The following DENND4A variants were observed in gnomAD, a reference collection of about 807,000 sequenced individuals.
DENND4A encodes the protein DENN domain containing 4A.
A neutral mutation model predicts 199.3 loss-of-function variants in DENND4A; 70 were observed. The observed-to-expected ratio is 0.35, with a 90% confidence interval of 0.29 to 0.43. DENND4A has a LOEUF of 0.43. DENND4A is among the 20% of genes least tolerant of loss of function. The probability of loss-of-function intolerance (pLI) is 1.00; values close to 1 mark genes in which losing one functional copy is unlikely to be tolerated. For synonymous variants in DENND4A, 686 were observed against 766.9 expected (o/e 0.89, Z 1.74); for missense variants, 1,723 against 2,255.8 (o/e 0.76, Z 4.78).
At chr15:65,707,154 G>A (rs1009813349) in intron 14 of DENND4A, among the ~76,000 whole-genome samples, 7 of 151,940 alleles carry the variant, frequency 4.6e-5, no homozygotes, top group Admixed American at 1.3e-4. Flanking sequence ...AAAGCACTTT[G>A]GTAGTACTAT....
At chr15:65,745,154 T>A (rs1379435128) in intron 4 of DENND4A, among the ~76,000 whole-genome samples, 1 of 152,194 alleles carries the variant, frequency 6.6e-6, no homozygotes, top group African/African-American at 2.4e-5. Flanking sequence ...GAAATGACAA[T>A]CTCCTGAGTA....
chr15:65,765,979 G>A (rs771184718), intron 1 of DENND4A, among the ~76,000 whole-genome samples: 3 of 152,264 alleles, frequency 2.0e-5, no homozygotes, highest in East Asian at 1.9e-4. Flanking sequence ...AGCCGGGCGC[G>A]GTGGCTCACG....
At chr15:65,747,659 A>AT (rs1330581185) in intron 4 of DENND4A, among the ~76,000 whole-genome samples, 1 of 152,202 alleles carries the variant, frequency 6.6e-6, no homozygotes, top group Admixed American at 6.5e-5. Context: ...CCAGCCACAT[A>AT]TCAATACACC....
chr15:65,741,199 C>G (rs1276406125), intron 5 of DENND4A, among the ~76,000 whole-genome samples: 2 of 152,128 alleles, frequency 1.3e-5, no homozygotes, highest in African/African-American at 4.8e-5. Context: ...ACCACAGGCA[C>G]ATGCCACCAT....
At chr15:65,701,319 C>G in intron 18 of DENND4A, 127 bp from the exon 19 acceptor site, 2 of 786,002 alleles carry the variant, frequency 2.5e-6, no homozygotes, top group Non-Finnish European at 1.8e-6. Context: ...GTAATCCCAG[C>G]AATTTGGGAG....
intron 1 of DENND4A, among the ~76,000 whole-genome samples, chr15:65,780,847 A>G (rs991038945): frequency 3.2e-4 from 49 of 152,342 alleles, no homozygotes; most frequent in Non-Finnish European, 3.7e-4. Flanking sequence ...TCACGTTTCA[A>G]TCCCAGACAG....
rs1213255842 is a variant in DENND4A, at chr15:65,664,332, A to G, written c.5585T>C (p.Ile1862Thr). 1.3e-6 allele frequency: 2 copies of G among 1,557,344 alleles called. No individual in the cohort carries two copies. Among genetic ancestry groups the G allele is most frequent in the African/African-American group, 1.4e-5 (1 of 73,390 alleles). The change falls in exon 32 of 33, where the codon ATA (isoleucine) becomes ACA (threonine). Residue 1862 changes from isoleucine to threonine, a missense_variant and splice_region_variant. Physicochemically the swap from Ile to Thr is moderately conservative, Grantham distance 89. This residue lies in a region of DENND4A where 164 missense variants were observed against 280.1 expected (regional missense o/e 0.59). Transcript: ENST00000443035. ...TATTAGATATAAAGCTAAATTACCT[A>G]TATCAATGTTTTCTCTTCCCAGTGC... The part of the protein sequence containing the change: ...LVALGRENID[I>T]DAFDKEYKMA...
intron 11 of DENND4A, 125 bp from the exon 12 acceptor site, chr15:65,723,073 A>G (rs1378177163): frequency 1.4e-6 from 1 of 737,618 alleles, no homozygotes; most frequent in African/African-American, 1.8e-5. Flanking sequence ...AAAACAAAAT[A>G]TTTGCATTAA....
At chr15:65,709,719 A>AAAATATATAT (rs1218030026) in intron 14 of DENND4A, among the ~76,000 whole-genome samples, 3 of 51,468 alleles carry the variant, frequency 5.8e-5, no homozygotes, top group Non-Finnish European at 9.4e-5. Flanking sequence ...AAAAAAAAAA[A>AAAATATATAT]ATATATATAT....
intron 7 of DENND4A, among the ~76,000 whole-genome samples, chr15:65,734,704 T>C (rs564349190): frequency 5.1e-4 from 77 of 152,128 alleles, no homozygotes; most frequent in Non-Finnish European, 9.6e-4. Context: ...ATGAAGTAGT[T>C]AGAACAGAAG....
chr15:65,752,360 G>C lies in DENND4A; in HGVS notation c.561+19C>G. On this transcript the variant is annotated intron_variant, in intron 4 of 32. Transcript: ENST00000443035. The stretch of plus-strand genomic sequence containing the variant: ...TTTTCATCAGTGGTTAATGTTACCA[G>C]TGCAAGTAAGTCACTTACCATACTG... 1 of 1,402,192 alleles carries C rather than the reference G, an allele frequency of 7.1e-7. No homozygotes were observed. Among genetic ancestry groups the C allele is most frequent in the South Asian group, 1.3e-5 (1 of 79,518 alleles). The allele number at this position is 1,402,192 out of a possible 1,614,324, so 86.9% of individuals were successfully genotyped here.
intron 6 of DENND4A, 115 bp from the exon 7 acceptor site, chr15:65,738,060 A>C (rs2076162097): frequency 5.0e-6 from 5 of 1,002,522 alleles, no homozygotes; most frequent in Non-Finnish European, 7.1e-6. Context: ...GCCAGGTATT[A>C]AGAACACAGT....
intron 2 of DENND4A, among the ~76,000 whole-genome samples, chr15:65,758,850 A>G (rs1456890155): frequency 6.6e-6 from 1 of 152,198 alleles, no homozygotes; most frequent in Non-Finnish European, 1.5e-5. Flanking sequence ...GTCTTTTGAT[A>G]AAGGCAGCCG....
At chr15:65,716,005 G>C (rs2075387134) in intron 13 of DENND4A, among the ~76,000 whole-genome samples, 4 of 151,886 alleles carry the variant, frequency 2.6e-5, no homozygotes, top group Admixed American at 1.3e-4. Flanking sequence ...CAAAGCAGCA[G>C]TAACATTCCC....
chr15:65,686,024 T>G (rs772218931), intron 23 of DENND4A, among the ~76,000 whole-genome samples: 12 of 152,202 alleles, frequency 7.9e-5, no homozygotes, highest in South Asian at 2.1e-4. Flanking sequence ...ATTTTCTATA[T>G]TAATTTTAGG....
intron 4 of DENND4A, among the ~76,000 whole-genome samples, chr15:65,745,989 A>G (rs1478957629): frequency 6.6e-6 from 1 of 151,848 alleles, no homozygotes; most frequent in Non-Finnish European, 1.5e-5. Flanking sequence ...AAAAATACAA[A>G]AATTAGCAGG....
At chr15:65,673,248 C>T (rs984785357) in intron 24 of DENND4A, among the ~76,000 whole-genome samples, 2 of 151,636 alleles carry the variant, frequency 1.3e-5, no homozygotes, top group African/African-American at 2.4e-5. Flanking sequence ...GAGGCTGAGG[C>T]AGGTGGATCA....
intron 1 of DENND4A, among the ~76,000 whole-genome samples, chr15:65,782,589 ACTT>A (rs1182834623): frequency 1.3e-5 from 2 of 152,090 alleles, no homozygotes; most frequent in East Asian, 3.8e-4. Context: ...CTGTGTCTTA[ACTT>A]CTTCAACTTT....
Position 65,756,361 on chromosome 15 carries a change from G to C in DENND4A, c.90C>G (p.His30Gln). ...DVSKPLEEEI[H>Q]FNDACHKVAK... ...CTACTTTATGACAAGCATCATTGAA[G>C]TGAATTTCTTCTTCTAGAGGCTTTG... The change falls in exon 3 of 33, where the codon CAC becomes CAG. Residue 30 changes from histidine (H) to glutamine (Q), a missense_variant. By Grantham distance (24) the His-to-Gln change is conservative. Transcript: ENST00000443035. The C allele has an allele frequency of 6.2e-7, 1 of 1,613,950 alleles. No individual in the cohort carries two copies. The highest frequency in any genetic ancestry group is 8.5e-7 in the Non-Finnish European group (1 of 1,179,862).
Sources: gnomAD v4.1 joint callset for allele counts (sites outside exome capture counted in the v4.1 genomes callset) on GRCh38, gnomAD v4.1.1 for gene constraint, gnomAD v4.1.1 regional missense constraint, MANE v1.5 for transcripts, NCBI Gene and HGNC (gene_info 2026-07-23, HGNC 2026-07-21) for gene names.